Variants in HPSE2 observed in about 807,000 individuals in gnomAD.
HPSE2 encodes inactive heparanase-2.
HPSE2 carries 38 observed loss-of-function variants against 60.5 expected under a neutral mutation model. The observed-to-expected ratio is 0.63, with a 90% CI of 0.48 to 0.82. HPSE2 has a LOEUF of 0.82. Among genes scored for constraint, HPSE2 ranks in the 40% least tolerant of loss-of-function variants. HPSE2 has a pLI of 0.00. For missense variants in HPSE2, 713 were observed against 740.4 expected, an observed-to-expected ratio of 0.96 and a Z score of 0.43; for synonymous variants, 295 against 293.2, an observed-to-expected ratio of 1.01 and a Z score of -0.06.
intron 2 of HPSE2, among the ~76,000 whole-genome samples, chr10:99,223,449 C>T (rs973710945): frequency 3.3e-5 from 5 of 152,128 alleles, no homozygotes; most frequent in Admixed American, 1.3e-4. Flanking sequence ...TTTCTAACTT[C>T]GCATTCCAAA....
At chr10:99,308,407 A>T in the HPSE2 span, among the ~76,000 whole-genome samples, 1 of 146,062 alleles carries the variant, frequency 6.8e-6, no homozygotes, top group East Asian at 2.0e-4. Context: ...GGAAACCATC[A>T]AAATCTCCAT....
chr10:98,622,780 CAAAA>C (rs113909291), intron 7 of HPSE2, among the ~76,000 whole-genome samples: 3 of 151,954 alleles, frequency 2.0e-5, no homozygotes, highest in African/African-American at 2.4e-5. Context: ...CTTTTATACA[CAAAA>C]AAAGAAGAGT....
intron 3 of HPSE2, among the ~76,000 whole-genome samples, chr10:98,942,722 C>A (rs367777543): frequency 1.3e-5 from 2 of 152,090 alleles, no homozygotes; most frequent in African/African-American, 2.4e-5. Context: ...CCAGCCATCT[C>A]ATTATTGGGT....
intron 3 of HPSE2, among the ~76,000 whole-genome samples, chr10:99,107,989 T>C (rs1160972172): frequency 6.6e-6 from 1 of 152,218 alleles, no homozygotes; most frequent in African/African-American, 2.4e-5. Flanking sequence ...AAATCTGTTT[T>C]GCTTTTTCAA....
the HPSE2 span, among the ~76,000 whole-genome samples, chr10:99,301,621 T>C: frequency 8.8e-3 from 1,340 of 152,262 alleles, 18 homozygotes; most frequent in African/African-American, 0.03. Context: ...TAACACAGCA[T>C]CCTAACTCAA....
At chr10:98,770,847 C>T (rs561567257) in intron 3 of HPSE2, among the ~76,000 whole-genome samples, 2 of 152,220 alleles carry the variant, frequency 1.3e-5, no homozygotes, top group African/African-American at 2.4e-5. Context: ...TTGTGACTGA[C>T]TCATCAACCA....
the HPSE2 span, among the ~76,000 whole-genome samples, chr10:99,282,624 A>G: frequency 2.0e-5 from 3 of 152,252 alleles, no homozygotes; most frequent in African/African-American, 7.2e-5. Context: ...AAGCCACAGA[A>G]CAAATTTTAA....
chr10:98,858,988 G>T (rs1952386096), intron 3 of HPSE2, among the ~76,000 whole-genome samples: 1 of 152,116 alleles, frequency 6.6e-6, no homozygotes, highest in African/African-American at 2.4e-5. Flanking sequence ...GAGTGCAGTG[G>T]CACAGTCATA....
intron 9 of HPSE2, among the ~76,000 whole-genome samples, chr10:98,575,889 AAAGAC>A (rs1467506674): frequency 4.6e-5 from 7 of 152,212 alleles, no homozygotes; most frequent in East Asian, 1.9e-4. Context: ...TTCACCTGAT[AAAGAC>A]AAGAGGTTAT....
intron 3 of HPSE2, among the ~76,000 whole-genome samples, chr10:99,005,981 T>C (rs895103053): frequency 1.3e-5 from 2 of 152,148 alleles, no homozygotes; most frequent in African/African-American, 4.8e-5. Flanking sequence ...GCCTAGGGCC[T>C]AAACACACCA....
chr10:98,724,618 A>C (rs1015321208), intron 4 of HPSE2, among the ~76,000 whole-genome samples: 2 of 152,100 alleles, frequency 1.3e-5, no homozygotes, highest in Non-Finnish European at 2.9e-5. Context: ...TTTGTAGGTC[A>C]CTAAGGACTT....
intron 3 of HPSE2, among the ~76,000 whole-genome samples, chr10:99,064,389 G>A (rs1003484726): frequency 4.6e-5 from 7 of 152,046 alleles, no homozygotes; most frequent in Non-Finnish European, 8.8e-5. Context: ...TATTGGTTAG[G>A]ATTCTAACTC....
intron 3 of HPSE2, among the ~76,000 whole-genome samples, chr10:98,902,687 G>A (rs1490065785): frequency 6.6e-6 from 1 of 152,010 alleles, no homozygotes; most frequent in Non-Finnish European, 1.5e-5. Flanking sequence ...CTGATTTTTG[G>A]TGCATTTAAT....
chr10:98,561,314 T>A (rs947256577), intron 9 of HPSE2, among the ~76,000 whole-genome samples: 3 of 151,994 alleles, frequency 2.0e-5, no homozygotes, highest in African/African-American at 7.2e-5. Context: ...GATGATCTTG[T>A]CCCCTTGTAG....
At chr10:98,494,751 T>C (rs1223304956) in intron 9 of HPSE2, among the ~76,000 whole-genome samples, 1 of 152,178 alleles carries the variant, frequency 6.6e-6, no homozygotes, top group African/African-American at 2.4e-5. Flanking sequence ...GATAATTCTT[T>C]TAAATACATT....
intron 6 of HPSE2, among the ~76,000 whole-genome samples, chr10:98,690,498 C>T (rs1037057762): frequency 1.6e-4 from 24 of 152,190 alleles, no homozygotes; most frequent in African/African-American, 4.3e-4. Flanking sequence ...CAAGATCGTG[C>T]CATTGCACTC....
At chr10:98,496,108 C>T (rs777805566) in intron 9 of HPSE2, among the ~76,000 whole-genome samples, 1 of 151,682 alleles carries the variant, frequency 6.6e-6, no homozygotes, top group Non-Finnish European at 1.5e-5. Context: ...TTGTAGGCTG[C>T]CTCTGTGCCA....
At chr10:98,483,113 A>G (rs1043326758) in intron 10 of HPSE2, among the ~76,000 whole-genome samples, 2 of 152,236 alleles carry the variant, frequency 1.3e-5, no homozygotes, top group African/African-American at 4.8e-5. Context: ...AGAAACAAAA[A>G]GAAGAAAAAG....
intron 2 of HPSE2, among the ~76,000 whole-genome samples, chr10:99,213,335 T>G (rs1849011909): frequency 6.6e-6 from 1 of 152,112 alleles, no homozygotes; most frequent in African/African-American, 2.4e-5. Flanking sequence ...ACATTGATGA[T>G]TTGCTTCATA....
Sources: gnomAD v4.1 joint callset for allele counts (sites outside exome capture counted in the v4.1 genomes callset) on GRCh38, gnomAD v4.1.1 for gene constraint, MANE v1.5 for transcripts, NCBI Gene and HGNC (gene_info 2026-07-23, HGNC 2026-07-21) for gene names.